The following PTPN4 variants were observed in gnomAD, a reference collection of about 807,000 sequenced individuals.
PTPN4 encodes protein tyrosine phosphatase non-receptor type 4, also known as tyrosine-protein phosphatase non-receptor type 4.
A neutral mutation model predicts 135.5 loss-of-function variants in PTPN4; 49 were observed. The ratio of observed to expected loss-of-function variants is 0.36; its 90% confidence interval spans 0.29 to 0.46. The LOEUF (loss-of-function observed/expected upper bound fraction) is 0.46. Ranked by LOEUF, PTPN4 falls within the 20% of genes least tolerant of loss-of-function variation. PTPN4 has a pLI of 1.00. For missense variants in PTPN4, 860 were observed against 1,101.0 expected, an observed-to-expected ratio of 0.78 and a Z score of 3.10; for synonymous variants, 333 against 369.9, an observed-to-expected ratio of 0.90 and a Z score of 1.14.
rs1553464406 is a variant in PTPN4, at chr2:119,905,047, A to AAC, written c.764+4242_764+4243insCA. The stretch of plus-strand genomic sequence containing the variant: ...AAGGTTATTACTACAAAAAAAAAAA[A>AAC]AACAAATAATCAAGGGAAACAATAA... On this transcript the variant is annotated intron_variant, in intron 10 of 26. Coordinates refer to ENST00000263708, the MANE Select transcript of PTPN4 (RefSeq NM_002830.4). 3.5e-3 allele frequency among the ~76,000 whole-genome samples: 474 copies of AAC among 134,176 alleles called. 2 individuals are homozygous for AAC. Among genetic ancestry groups the AAC allele is most frequent in the African/African-American group, 0.011 (450 of 40,372 alleles). The allele number at this position is 134,176 out of a possible 152,430, so 88.0% of individuals were successfully genotyped here. A position where few individuals can be genotyped will look rare whatever the true frequency, so the allele number is the denominator to read the frequency against.
At position 119,965,604 on chromosome 2, in the gene PTPN4, CAA is replaced by C; in HGVS notation, c.2518_2519del (p.Lys840GlufsTer33). ...FLDFVCHVRNKRAGKEEPVVV... is the reference protein window; with the variant it reads ...FLDFVCHVRNXRAGKEEPVVV... The stretch of plus-strand genomic sequence containing the variant: ...TAGATTTTGTTTGTCATGTACGAAA[CAA>C]GAGGGCTGGCAAGGAAGAACCCGTT... On this transcript the variant is annotated frameshift_variant, in exon 25 of 27. Transcript: ENST00000263708. LOFTEE classifies it high-confidence loss of function. The C allele has an allele frequency of 6.2e-7, 1 of 1,614,070 alleles. No individual in the cohort carries two copies.
At chr2:119,842,456 A>G (rs1266235569) in intron 2 of PTPN4, among the ~76,000 whole-genome samples, 1 of 152,206 alleles carries the variant, frequency 6.6e-6, no homozygotes, top group Admixed American at 6.5e-5. Flanking sequence ...ACTTCTGTAT[A>G]TCCAGCTTTA....
intron 15 of PTPN4, among the ~76,000 whole-genome samples, chr2:119,941,382 G>A (rs1265130854): frequency 1.3e-5 from 2 of 151,288 alleles, no homozygotes; most frequent in South Asian, 2.1e-4. Context: ...AGTCTGTGTT[G>A]ACATCCTTGA....
chr2:119,820,732 C>A (rs900790247), intron 2 of PTPN4, among the ~76,000 whole-genome samples: 1 of 152,048 alleles, frequency 6.6e-6, no homozygotes, highest in African/African-American at 2.4e-5. Flanking sequence ...AAGGTAATAT[C>A]CATTTATTTG....
intron 10 of PTPN4, among the ~76,000 whole-genome samples, chr2:119,914,744 C>T (rs538409389): frequency 2.6e-5 from 4 of 152,042 alleles, no homozygotes; most frequent in African/African-American, 7.2e-5. Flanking sequence ...GCTTTGAGAA[C>T]GCTTATGGCA....
At chr2:119,812,690 A>G (rs1322785416) in intron 2 of PTPN4, among the ~76,000 whole-genome samples, 2 of 152,124 alleles carry the variant, frequency 1.3e-5, no homozygotes, top group African/African-American at 2.4e-5. Flanking sequence ...TATGGAGTGT[A>G]TTGTCCCTCT....
rs181027440 is a variant in PTPN4, at chr2:119,849,187, A to T, written c.139-13349A>T. Reference sequence around the variant, plus strand: ...CTGCTTTGAAGTATTGTTCAGTCTGACATGTAGGCCCTCTCACGAGCAGTT... The same window carrying T: ...CTGCTTTGAAGTATTGTTCAGTCTGTCATGTAGGCCCTCTCACGAGCAGTT... On this transcript the variant is annotated intron_variant, in intron 2 of 26. Coordinates refer to ENST00000263708, the MANE Select transcript of PTPN4 (RefSeq NM_002830.4). 1.6e-4 allele frequency among the ~76,000 whole-genome samples: 24 copies of T among 152,232 alleles called. No homozygotes were observed. The East Asian group carries it at 4.4e-3, about 28-fold the overall frequency.
At chr2:119,842,948 A>G (rs546857964) in intron 2 of PTPN4, among the ~76,000 whole-genome samples, 4 of 152,314 alleles carry the variant, frequency 2.6e-5, no homozygotes, top group Non-Finnish European at 5.9e-5. Context: ...ATAAAGTATT[A>G]TATATGATGT....
chr2:119,817,985 T>C (rs1050183174), intron 2 of PTPN4, among the ~76,000 whole-genome samples: 5 of 152,164 alleles, frequency 3.3e-5, no homozygotes, highest in Admixed American at 2.0e-4. Context: ...TGTATAGGAA[T>C]GCTTGTGATT....
At chr2:119,909,954 C>T (rs1339936788) in intron 10 of PTPN4, among the ~76,000 whole-genome samples, 2 of 152,080 alleles carry the variant, frequency 1.3e-5, no homozygotes, top group African/African-American at 4.8e-5. Flanking sequence ...TGAGGATTTG[C>T]TTCTTATGGA....
At chr2:119,826,792 G>A (rs1347405708) in intron 2 of PTPN4, among the ~76,000 whole-genome samples, 1 of 152,162 alleles carries the variant, frequency 6.6e-6, no homozygotes, top group African/African-American at 2.4e-5. Context: ...TTGGGAGGCC[G>A]AGACAGAAGG....
intron 2 of PTPN4, among the ~76,000 whole-genome samples, chr2:119,850,973 A>G (rs899428626): frequency 1.3e-5 from 2 of 152,186 alleles, no homozygotes; most frequent in African/African-American, 4.8e-5. Flanking sequence ...ATCTGTGTTC[A>G]TGAGAAACAT....
chr2:119,962,368 C>T (rs1679377943), intron 23 of PTPN4, among the ~76,000 whole-genome samples: 1 of 151,838 alleles, frequency 6.6e-6, no homozygotes, highest in Non-Finnish European at 1.5e-5. Context: ...GCAGGAGAAT[C>T]GCTTGAACCC....
At chr2:119,815,921 G>A (rs1002733846) in intron 2 of PTPN4, among the ~76,000 whole-genome samples, 1 of 152,116 alleles carries the variant, frequency 6.6e-6, no homozygotes, top group Admixed American at 6.5e-5. Context: ...ATTATTTTAT[G>A]TATACACCTG....
chr2:119,964,357 A>G (rs1464267910), intron 24 of PTPN4, among the ~76,000 whole-genome samples: 1 of 152,222 alleles, frequency 6.6e-6, no homozygotes, highest in Non-Finnish European at 1.5e-5. Flanking sequence ...ATCTAAACGC[A>G]ATACTCTTAC....
chr2:119,860,161 C>G (rs1054654761), intron 2 of PTPN4, among the ~76,000 whole-genome samples: 2 of 152,166 alleles, frequency 1.3e-5, no homozygotes, highest in Non-Finnish European at 2.9e-5. Context: ...AATGCTTGCT[C>G]TCTTCCCCAG....
chr2:119,906,128 T>C (rs1460708304), intron 10 of PTPN4, among the ~76,000 whole-genome samples: 1 of 152,126 alleles, frequency 6.6e-6, no homozygotes, highest in African/African-American at 2.4e-5. Flanking sequence ...CTAAATCAAG[T>C]AGAGACTGTA....
chr2:119,908,571 C>T (rs1208518563), intron 10 of PTPN4, among the ~76,000 whole-genome samples: 1 of 152,090 alleles, frequency 6.6e-6, no homozygotes, highest in African/African-American at 2.4e-5. Context: ...ACTGACTGGC[C>T]GTTTCTGTCT....
chr2:119,801,173 C>T (rs777037442), intron 1 of PTPN4, among the ~76,000 whole-genome samples: 11 of 152,116 alleles, frequency 7.2e-5, no homozygotes, highest in Non-Finnish European at 1.6e-4. Context: ...ACTGAAGCTC[C>T]GCCTCCTGGG....
Sources: allele counts gnomAD v4.1 joint callset (sites outside exome capture counted in the v4.1 genomes callset), GRCh38; gene constraint gnomAD v4.1.1; transcripts MANE v1.5; gene names NCBI Gene and HGNC (gene_info 2026-07-23, HGNC 2026-07-21).